The following HDAC9 variants were observed in gnomAD, a reference collection of about 807,000 sequenced individuals.
The protein encoded by HDAC9 is histone deacetylase 9.
HDAC9 carries 41 observed loss-of-function variants against 139.4 expected under a neutral mutation model. The ratio of observed to expected loss-of-function variants is 0.29; its 90% CI spans 0.23 to 0.38. HDAC9 has a LOEUF of 0.38. Among genes scored for constraint, HDAC9 ranks in the 10% least tolerant of loss-of-function variants. The probability of loss-of-function intolerance (pLI) is 1.00; values close to 1 mark genes in which losing one functional copy is unlikely to be tolerated. For missense variants in HDAC9, 1,147 were observed against 1,297.0 expected (o/e 0.88, Z 1.78); for synonymous variants, 517 against 476.2 (o/e 1.09, Z -1.12).
intron 25 of HDAC9, among the ~76,000 whole-genome samples, chr7:18,991,997 T>A (rs907357243): frequency 7.2e-5 from 11 of 152,210 alleles, no homozygotes; most frequent in Admixed American, 2.0e-4. Flanking sequence ...ATGAAAAATA[T>A]GAGTAAACTA....
chr7:18,880,793 A>G (rs1799676527), intron 22 of HDAC9, among the ~76,000 whole-genome samples: 1 of 151,226 alleles, frequency 6.6e-6, no homozygotes, highest in Non-Finnish European at 1.5e-5. Context: ...CCCAAATGTA[A>G]AAGTTAAAAA....
intron 1 of HDAC9, among the ~76,000 whole-genome samples, chr7:18,478,006 T>A (rs1028099414): frequency 1.3e-4 from 20 of 152,134 alleles, no homozygotes; most frequent in African/African-American, 4.8e-4. Flanking sequence ...TGCCCAAGGG[T>A]TGTAAACAGA....
upstream of HDAC9, among the ~76,000 whole-genome samples, chr7:18,491,326 A>G (rs1796348469): frequency 1.3e-5 from 2 of 152,040 alleles, no homozygotes; most frequent in Non-Finnish European, 2.9e-5. Context: ...TACAAGCAAA[A>G]ACACTCAGGT....
chr7:18,904,873 C>T lies in HDAC9; in HGVS notation c.2803+30277C>T, dbSNP rs371990834. Among the ~76,000 whole-genome samples, 5 of 151,580 alleles carry T rather than the reference C, an allele frequency of 3.3e-5. No individual in the cohort carries two copies. In the East Asian group the frequency reaches 7.8e-4, roughly 24 times the overall value. ...TACAGGCATGAGCCGCCGTGCCCGG[C>T]CACTTCTTTTCTTTTTTTTAACTAG... On this transcript the variant is annotated intron_variant, in intron 22 of 25. Transcript: ENST00000686413.
At chr7:18,337,666 C>T in intron 1 of HDAC9, among the ~76,000 whole-genome samples, 1 of 151,656 alleles carries the variant, frequency 6.6e-6, no homozygotes, top group East Asian at 1.9e-4. Context: ...ACTTCATTAC[C>T]ATTGAGTAGA....
intron 11 of HDAC9, among the ~76,000 whole-genome samples, chr7:18,649,036 C>G (rs533233746): frequency 6.6e-6 from 1 of 152,232 alleles, no homozygotes; most frequent in East Asian, 1.9e-4. Context: ...GTTGACATGT[C>G]AAAAAGTTTG....
At chr7:18,112,588 G>A (rs1783700666) in intron 1 of HDAC9, among the ~76,000 whole-genome samples, 1 of 152,172 alleles carries the variant, frequency 6.6e-6, no homozygotes, top group African/African-American at 2.4e-5. Flanking sequence ...ACCAGGTTTG[G>A]TAAGTATTAA....
At chr7:18,511,028 C>A (rs998359238) in intron 2 of HDAC9, among the ~76,000 whole-genome samples, 7 of 152,126 alleles carry the variant, frequency 4.6e-5, no homozygotes, top group Non-Finnish European at 8.8e-5. Flanking sequence ...AATTTTACAG[C>A]ATAGGTGTTG....
chr7:18,114,244 C>A (rs1309061392), intron 1 of HDAC9, among the ~76,000 whole-genome samples: 3 of 152,216 alleles, frequency 2.0e-5, no homozygotes, highest in Non-Finnish European at 4.4e-5. Flanking sequence ...CTGGTTTAAT[C>A]AAGGAAGCAA....
At chr7:18,579,541 G>A (rs931710827) in intron 2 of HDAC9, among the ~76,000 whole-genome samples, 9 of 152,248 alleles carry the variant, frequency 5.9e-5, no homozygotes, top group Admixed American at 3.3e-4. Flanking sequence ...TTTGTATATC[G>A]CCAAATCCAG....
intron 22 of HDAC9, among the ~76,000 whole-genome samples, chr7:18,910,948 T>C (rs1358368734): frequency 1.3e-5 from 2 of 151,916 alleles, no homozygotes; most frequent in East Asian, 3.9e-4. Flanking sequence ...ATTATCAGGG[T>C]AATATTGGCC....
chr7:18,298,515 A>G (rs906634987), intron 1 of HDAC9, among the ~76,000 whole-genome samples: 5 of 151,892 alleles, frequency 3.3e-5, no homozygotes, highest in Non-Finnish European at 5.9e-5. Context: ...ATTCCCACCT[A>G]TGAGTGAGAA....
chr7:18,749,230 C>T, intron 14 of HDAC9, 92 bp downstream of exon 14: 1 of 1,284,050 alleles, frequency 7.8e-7, no homozygotes. Context: ...AAAATATTAA[C>T]CATATAGTGC....
At chr7:18,885,520 T>C (rs1487073295) in intron 22 of HDAC9, among the ~76,000 whole-genome samples, 1 of 152,206 alleles carries the variant, frequency 6.6e-6, no homozygotes, top group Non-Finnish European at 1.5e-5. Flanking sequence ...TACAACCGTT[T>C]ATATTTCTAA....
intron 2 of HDAC9, among the ~76,000 whole-genome samples, chr7:18,553,461 G>A (rs901083050): frequency 1.2e-4 from 18 of 152,114 alleles, no homozygotes; most frequent in Non-Finnish European, 2.2e-4. Flanking sequence ...ACTTTTAAAG[G>A]CAATACGTGC....
At chr7:18,822,661 C>G (rs1279055373) in intron 17 of HDAC9, among the ~76,000 whole-genome samples, 1 of 152,078 alleles carries the variant, frequency 6.6e-6, no homozygotes, top group East Asian at 1.9e-4. Context: ...CCACATATTT[C>G]TTTTTTATGT....
intron 24 of HDAC9, among the ~76,000 whole-genome samples, chr7:18,971,570 A>C (rs1046913944): frequency 7.2e-5 from 11 of 152,226 alleles, no homozygotes; most frequent in Non-Finnish European, 1.2e-4. Flanking sequence ...CCCATAAATT[A>C]TGGGGTTTGA....
intron 1 of HDAC9, among the ~76,000 whole-genome samples, chr7:18,440,146 A>C (rs1791614053): frequency 1.3e-5 from 2 of 150,980 alleles, no homozygotes; most frequent in Admixed American, 1.3e-4. Flanking sequence ...TCTTTGGGAT[A>C]CTGTGAAATA....
At chr7:18,785,685 T>A (rs999284615) in intron 16 of HDAC9, among the ~76,000 whole-genome samples, 3 of 152,212 alleles carry the variant, frequency 2.0e-5, no homozygotes, top group African/African-American at 7.2e-5. Flanking sequence ...GCATATATGA[T>A]TAGAATCTGT....
Sources: gnomAD v4.1 joint callset for allele counts (sites outside exome capture counted in the v4.1 genomes callset) on GRCh38, gnomAD v4.1.1 for gene constraint, MANE v1.5 for transcripts, NCBI Gene and HGNC (gene_info 2026-07-23, HGNC 2026-07-21) for gene names.